Variants in PREP observed in about 807,000 individuals in gnomAD.
PREP encodes prolyl endopeptidase.
PREP carries 29 observed loss-of-function variants against 87.6 expected under a neutral mutation model. The ratio of observed to expected loss-of-function variants is 0.33; its 90% CI spans 0.25 to 0.45. PREP has a LOEUF of 0.45. Ranked by LOEUF, PREP falls within the 20% of genes least tolerant of loss-of-function variation. The pLI, the probability that PREP is intolerant of heterozygous loss-of-function variation, is 1.00. For synonymous variants in PREP, 337 were observed against 328.6 expected, an observed-to-expected ratio of 1.03 and a Z score of -0.28; for missense variants, 695 against 886.5, an observed-to-expected ratio of 0.78 and a Z score of 2.74.
chr6:105,314,571 C>A (rs1770822676), intron 10 of PREP, among the ~76,000 whole-genome samples: 1 of 152,178 alleles, frequency 6.6e-6, no homozygotes, highest in Non-Finnish European at 1.5e-5. Context: ...GAAGGCAACT[C>A]CTCATCCATT....
intron 2 of PREP, among the ~76,000 whole-genome samples, chr6:105,382,413 C>T (rs564871193): frequency 5.9e-5 from 9 of 152,024 alleles, no homozygotes; most frequent in Admixed American, 5.2e-4. Flanking sequence ...TAAATATATA[C>T]AATTTTCACC....
chr6:105,281,852 C>A lies in PREP; in HGVS notation c.1732G>T (p.Val578Phe). The A allele has an allele frequency of 6.2e-7, 1 of 1,614,232 alleles. No individual in the cohort carries two copies. The highest frequency in any genetic ancestry group is 8.5e-7 in the Non-Finnish European group (1 of 1,180,042). ...PDLFGCVIAQ[V>F]GVMDMLKFHK... ...AACTTCAGCATGTCCATTACTCCAA[C>A]TTGGGCAATAACACAACCAAAGAGG... Residue 578 changes from valine (V) to phenylalanine (F), a missense_variant, in exon 14 of 15, where the codon GTT becomes TTT. Around this residue, in one of 5 missense-constraint regions of PREP, gnomAD observed 20 missense variants for 58.9 expected, o/e 0.34. Transcript: ENST00000652536.
chr6:105,346,639 C>T (rs1187373336), intron 7 of PREP, among the ~76,000 whole-genome samples: 1 of 152,210 alleles, frequency 6.6e-6, no homozygotes, highest in Non-Finnish European at 1.5e-5. Flanking sequence ...TCTCCCTAAA[C>T]TCCTCATAAA....
In PREP at chr6:105,278,225, C is replaced by A; in HGVS notation, c.2052G>T (p.Lys684Asn). The change falls in exon 15 of 15, where the codon AAG becomes AAT. Residue 684 changes from lysine to asparagine, a missense_variant. Physicochemically the swap from Lys to Asn is moderately conservative, Grantham distance 94. Transcript: ENST00000652536. The surrounding 1 kb of genome is among the most constrained non-coding windows in gnomAD (Gnocchi z 4.2). ...CTTCCTCTATCACTTTGGCTGTGGG[C>A]TTCCCCGCCCCGTGGCCCGCCTTGG... ...VDTKAGHGAG[K>N]PTAKVIEEVS... is the part of the protein sequence containing the mutation. The A allele has an allele frequency of 6.2e-7, 1 of 1,614,224 alleles. No homozygotes were observed. Among genetic ancestry groups the A allele is most frequent in the Non-Finnish European group, 8.5e-7 (1 of 1,180,044 alleles).
chr6:105,362,878 A>G (rs1562216305), intron 6 of PREP, among the ~76,000 whole-genome samples: 5 of 151,766 alleles, frequency 3.3e-5, no homozygotes, highest in African/African-American at 1.2e-4. Context: ...GGAGGCAGGG[A>G]CCCCCCACCA....
chr6:105,357,908 A>G (rs1315025220), intron 6 of PREP, among the ~76,000 whole-genome samples: 2 of 151,590 alleles, frequency 1.3e-5, no homozygotes, highest in Non-Finnish European at 2.9e-5. Flanking sequence ...CGGTTCAACA[A>G]TACTGTTTTT....
At chr6:105,378,637 T>C (rs1772756526) in intron 2 of PREP, among the ~76,000 whole-genome samples, 2 of 152,160 alleles carry the variant, frequency 1.3e-5, no homozygotes, top group Admixed American at 1.3e-4. Flanking sequence ...AACTAACCAG[T>C]TAAAAAGTTG....
At chr6:105,387,917 G>A (rs1342409471) in intron 2 of PREP, among the ~76,000 whole-genome samples, 1 of 152,152 alleles carries the variant, frequency 6.6e-6, no homozygotes, top group Non-Finnish European at 1.5e-5. Context: ...TCTTACTTAT[G>A]ACACCGCATC....
At chr6:105,397,552 T>C (rs997191612) in intron 2 of PREP, among the ~76,000 whole-genome samples, 2 of 152,232 alleles carry the variant, frequency 1.3e-5, no homozygotes, top group African/African-American at 4.8e-5. Flanking sequence ...AGGTTTTCAT[T>C]TTTTCTTTTG....
intron 5 of PREP, among the ~76,000 whole-genome samples, chr6:105,370,950 T>C (rs945133091): frequency 1.3e-5 from 2 of 152,224 alleles, no homozygotes; most frequent in African/African-American, 2.4e-5. Flanking sequence ...TGGATACATG[T>C]CACTATACAT....
At chr6:105,281,602 G>A in intron 14 of PREP, 144 bp downstream of exon 14, 1 of 972,580 alleles carries the variant, frequency 1.0e-6, no homozygotes, top group Non-Finnish European at 1.5e-6. Flanking sequence ...AGAAAGACAA[G>A]TAGGTAGTCC....
At chr6:105,286,433 T>C (rs1162524090) in intron 11 of PREP, among the ~76,000 whole-genome samples, 2 of 152,200 alleles carry the variant, frequency 1.3e-5, no homozygotes, top group African/African-American at 2.4e-5. Flanking sequence ...TTTCTCGAGA[T>C]AAGCAGAAGA....
rs1764808376 is a variant in PREP, at chr6:105,278,140, C to CTGT, written c.*1_*3dup. The CTGT allele has an allele frequency of 6.2e-7, 1 of 1,604,552 alleles. No homozygotes were observed. The highest frequency in any genetic ancestry group is 1.9e-4 in the Middle Eastern group (1 of 5,298). ...TCGCTGTCAGGAGGAAGCACGAAAA[C>CTGT]TGTTTATGGAATCCAGTCGACGTTC... is the stretch of plus-strand genomic sequence containing the variant. On this transcript the variant is annotated 3_prime_UTR_variant, in exon 15 of 15. Coordinates refer to ENST00000652536, the MANE Select transcript of PREP (RefSeq NM_002726.5). The surrounding 1 kb of genome is among the most constrained non-coding windows in gnomAD (Gnocchi z 4.2).
chr6:105,382,783 A>T (rs753218587), intron 2 of PREP, among the ~76,000 whole-genome samples: 13 of 152,172 alleles, frequency 8.5e-5, no homozygotes, highest in Non-Finnish European at 1.5e-4. Flanking sequence ...CCAGGTAGAG[A>T]CTGGCTCAGG....
At chr6:105,380,209 G>C (rs9986351) in intron 2 of PREP, among the ~76,000 whole-genome samples, 37,925 of 151,982 alleles carry the variant, frequency 0.25, 7,088 homozygotes, top group African/African-American at 0.53. Flanking sequence ...GACTGAGAGG[G>C]AGCAACCATG....
At chr6:105,391,681 AAG>A (rs1400647205) in intron 2 of PREP, among the ~76,000 whole-genome samples, 1 of 152,252 alleles carries the variant, frequency 6.6e-6, no homozygotes, top group Non-Finnish European at 1.5e-5. Context: ...TAGGCAGGGA[AAG>A]AGAGGGAGAG....
At chr6:105,299,315 A>C (rs1157271116) in intron 10 of PREP, among the ~76,000 whole-genome samples, 2 of 152,212 alleles carry the variant, frequency 1.3e-5, no homozygotes, top group African/African-American at 2.4e-5. Flanking sequence ...ATACCTGCCA[A>C]GGGTTGGGTA....
intron 2 of PREP, among the ~76,000 whole-genome samples, chr6:105,385,570 A>G (rs1392665803): frequency 6.6e-6 from 1 of 152,184 alleles, no homozygotes; most frequent in Admixed American, 6.5e-5. Context: ...AATGGGGGGA[A>G]AAAACCCAAG....
chr6:105,297,710 C>G (rs1770438071), intron 10 of PREP, among the ~76,000 whole-genome samples: 1 of 152,194 alleles, frequency 6.6e-6, no homozygotes, highest in African/African-American at 2.4e-5. Flanking sequence ...TGTCTGTCTT[C>G]CAGGGCTAAC....
Sources: gnomAD v4.1 joint callset for allele counts (sites outside exome capture counted in the v4.1 genomes callset) on GRCh38, gnomAD v4.1.1 for gene constraint, gnomAD v4.1.1 regional missense constraint, Gnocchi (gnomAD v3.1) non-coding constraint, MANE v1.5 for transcripts, NCBI Gene and HGNC (gene_info 2026-07-23, HGNC 2026-07-21) for gene names.